The following RXFP2 variants were observed in gnomAD, a reference collection of about 807,000 sequenced individuals.
RXFP2 encodes relaxin family peptide receptor 2, also known as relaxin receptor 2.
Under a neutral mutation model 88.6 loss-of-function variants are expected in RXFP2, and 68 were observed. The observed-to-expected ratio is 0.77, with a 90% CI of 0.63 to 0.94. The LOEUF is 0.94. Among genes scored for constraint, RXFP2 ranks in the 40% least tolerant of loss-of-function variants. RXFP2 has a pLI of 0.00. For missense variants in RXFP2, 791 were observed against 893.9 expected, an observed-to-expected ratio of 0.88 and a Z score of 1.47; for synonymous variants, 329 against 306.8, an observed-to-expected ratio of 1.07 and a Z score of -0.76.
At chr13:31,770,767 G>A (rs1872706259) in intron 5 of RXFP2, among the ~76,000 whole-genome samples, 1 of 151,976 alleles carries the variant, frequency 6.6e-6, no homozygotes. Flanking sequence ...TTTCCTTCTC[G>A]AAGGAACAAC....
At chr13:31,744,080 ATTAT>A (rs1202686586) in intron 1 of RXFP2, among the ~76,000 whole-genome samples, 1 of 151,506 alleles carries the variant, frequency 6.6e-6, no homozygotes, top group Non-Finnish European at 1.5e-5. Context: ...CCTTCTTTCT[ATTAT>A]TTGTCTCTAT....
intron 11 of RXFP2, among the ~76,000 whole-genome samples, 166 bp from the exon 12 acceptor site, chr13:31,786,217 C>T (rs1356267460): frequency 6.6e-6 from 1 of 152,168 alleles, no homozygotes; most frequent in Non-Finnish European, 1.5e-5. Flanking sequence ...GAAACCGTAT[C>T]CATTTGGCTG....
At position 31,758,322 on chromosome 13, in the gene RXFP2, G is replaced by A. The variant is rs746538687; in HGVS notation, c.159G>A (p.Gly53=). The A allele has an allele frequency of 1.4e-5, 22 of 1,614,020 alleles. No individual in the cohort carries two copies. The highest frequency in any genetic ancestry group is 3.3e-5 in the Admixed American group (2 of 60,000). ...PSCQKGYFPC[G]NLTKCLPRAF... ...GCCAAAAAGGATATTTTCCCTGTGG[G>A]AATCTTACCAAGTGCTTACCCCGAG... Residue 53 remains glycine (G), a synonymous_variant, in exon 2 of 18, where the codon GGG becomes GGA. Coordinates refer to ENST00000298386, the MANE Select transcript of RXFP2 (RefSeq NM_130806.5).
chr13:31,759,426 A>AAAGAAAGAAAGAAAGAAAGAAAGAAAG, intron 2 of RXFP2, among the ~76,000 whole-genome samples: 1 of 149,126 alleles, frequency 6.7e-6, no homozygotes, highest in Non-Finnish European at 1.5e-5. Flanking sequence ...AGAAAGAAAG[A>AAAGAAAGAAAGAAAGAAAGAAAGAAAG]AAGAAAGAAA....
At chr13:31,778,242 A>G (rs756550871) in intron 8 of RXFP2, among the ~76,000 whole-genome samples, 1 of 152,200 alleles carries the variant, frequency 6.6e-6, no homozygotes, top group Non-Finnish European at 1.5e-5. Flanking sequence ...TACCCAATAT[A>G]TACTTTTGTT....
chr13:31,800,608 T>A (rs1874285167), intron 17 of RXFP2, among the ~76,000 whole-genome samples: 1 of 152,112 alleles, frequency 6.6e-6, no homozygotes, highest in African/African-American at 2.4e-5. Context: ...AGAAGTCTCA[T>A]TCAGAGTAGA....
intron 6 of RXFP2, 107 bp downstream of exon 6, chr13:31,774,798 T>C: frequency 1.3e-6 from 1 of 741,148 alleles, no homozygotes; most frequent in Non-Finnish European, 2.5e-6. Context: ...GTGGGAGGAA[T>C]AGGTTATCAC....
rs569055653 is a variant in RXFP2 at position 31,791,883 on chromosome 13, C to A, written c.1223C>A (p.Ser408Ter). ...ATGCCCTTGACGGACGGCATTTCTT[C>A]ATTTGAGGACCTCTTGGCTAACAAT... ...ICMPLTDGIS[S>*]FEDLLANNIL... The change falls in exon 15 of 18, where the codon TCA becomes TAA. Residue 408 changes from serine to a stop codon, truncating the protein, a stop_gained. Transcript: ENST00000298386. LOFTEE classifies it high-confidence loss of function. The A allele has an allele frequency of 6.2e-7, 1 of 1,614,170 alleles. No individual in the cohort carries two copies. Among genetic ancestry groups the A allele is most frequent in the African/African-American group, 1.3e-5 (1 of 75,050 alleles).
At chr13:31,757,757 G>C (rs147072170) in intron 1 of RXFP2, among the ~76,000 whole-genome samples, 1 of 152,236 alleles carries the variant, frequency 6.6e-6, no homozygotes, top group Non-Finnish European at 1.5e-5. Flanking sequence ...CCTGGATTCT[G>C]TTCTTGATAT....
intron 11 of RXFP2, among the ~76,000 whole-genome samples, chr13:31,784,289 A>G (rs1361563899): frequency 1.3e-5 from 2 of 152,176 alleles, no homozygotes; most frequent in African/African-American, 2.4e-5. Flanking sequence ...ATAGTGATCC[A>G]TTGCAATTCA....
chr13:31,781,405 G>A (rs1873265562), intron 9 of RXFP2, among the ~76,000 whole-genome samples: 1 of 152,090 alleles, frequency 6.6e-6, no homozygotes, highest in Non-Finnish European at 1.5e-5. Flanking sequence ...ATGATGGGTT[G>A]GGCAATATTA....
chr13:31,785,734 T>C (rs1873505115), intron 11 of RXFP2, among the ~76,000 whole-genome samples: 1 of 152,130 alleles, frequency 6.6e-6, no homozygotes, highest in African/African-American at 2.4e-5. Flanking sequence ...AGAAATATAC[T>C]CTGGACTCTT....
intron 16 of RXFP2, 128 bp downstream of exon 16, chr13:31,793,216 CA>C: frequency 2.4e-6 from 2 of 845,374 alleles, no homozygotes; most frequent in South Asian, 1.8e-5. Context: ...CTTTTTCACA[CA>C]AAAAAGTTTT....
At chr13:31,762,080 C>A (rs1566220070) in intron 3 of RXFP2, among the ~76,000 whole-genome samples, 1 of 152,180 alleles carries the variant, frequency 6.6e-6, no homozygotes, top group Admixed American at 6.5e-5. Context: ...TTACTTTTAA[C>A]TATTTTCTTC....
chr13:31,751,603 A>C (rs1049435744), intron 1 of RXFP2, among the ~76,000 whole-genome samples: 32 of 152,292 alleles, frequency 2.1e-4, no homozygotes, highest in African/African-American at 6.0e-4. Flanking sequence ...AGTTGATGGG[A>C]ATAGAATCTG....
At chr13:31,744,429 C>T (rs1396373117) in intron 1 of RXFP2, among the ~76,000 whole-genome samples, 2 of 152,186 alleles carry the variant, frequency 1.3e-5, no homozygotes, top group Non-Finnish European at 2.9e-5. Context: ...CTATATAGTT[C>T]ATAGCATGTG....
At chr13:31,797,456 G>T in intron 17 of RXFP2, 37 bp downstream of exon 17, 1 of 1,484,918 alleles carries the variant, frequency 6.7e-7, no homozygotes. Flanking sequence ...ATAATACATC[G>T]TGCCTTCTTA....
intron 5 of RXFP2, among the ~76,000 whole-genome samples, chr13:31,767,848 T>C (rs185912736): frequency 1.1e-4 from 16 of 152,274 alleles, no homozygotes; most frequent in African/African-American, 2.9e-4. Flanking sequence ...CCACCCCATG[T>C]AGAATTCCCT....
intron 1 of RXFP2, among the ~76,000 whole-genome samples, chr13:31,755,058 T>A (rs2138397979): frequency 6.6e-6 from 1 of 152,294 alleles, no homozygotes; most frequent in African/African-American, 2.4e-5. Context: ...CCCCAAAACA[T>A]ACCCACAAGG....
Sources: allele counts gnomAD v4.1 joint callset (sites outside exome capture counted in the v4.1 genomes callset), GRCh38; gene constraint gnomAD v4.1.1; transcripts MANE v1.5; gene names NCBI Gene and HGNC (gene_info 2026-07-23, HGNC 2026-07-21).